The following SLC10A7 variants were observed in gnomAD, a reference collection of about 807,000 sequenced individuals.
SLC10A7 encodes sodium/bile acid cotransporter 7.
SLC10A7 carries 29 observed loss-of-function variants against 43.2 expected under a neutral mutation model. That is an observed-to-expected ratio of 0.67 (90% CI 0.50 to 0.92). The LOEUF (loss-of-function observed/expected upper bound fraction) is 0.92. SLC10A7 is among the 40% of genes least tolerant of loss of function. The pLI is 0.00. For synonymous variants in SLC10A7, 152 were observed against 144.8 expected (o/e 1.05, Z -0.35); for missense variants, 295 against 403.2 (o/e 0.73, Z 2.30).
At chr4:146,388,122 C>T (rs1024133671) in intron 5 of SLC10A7, among the ~76,000 whole-genome samples, 5 of 152,060 alleles carry the variant, frequency 3.3e-5, no homozygotes, top group African/African-American at 4.8e-5. Context: ...CCAAAGCAAT[C>T]CTAAGCAAAA....
At chr4:146,437,363 A>G (rs950308030) in intron 5 of SLC10A7, among the ~76,000 whole-genome samples, 1 of 152,104 alleles carries the variant, frequency 6.6e-6, no homozygotes, top group African/African-American at 2.4e-5. Context: ...TAATTTTAAT[A>G]CCCAGGATGG....
chr4:146,446,778 AT>A (rs2149901176), intron 4 of SLC10A7, among the ~76,000 whole-genome samples: 1 of 151,866 alleles, frequency 6.6e-6, no homozygotes, highest in African/African-American at 2.4e-5. Context: ...CTATCTATCT[AT>A]CTATCTATCT....
In SLC10A7 at chr4:146,354,459, T is replaced by C. The variant is rs1208295067; in HGVS notation, c.436-28463A>G. Among the ~76,000 whole-genome samples the C allele has an allele frequency of 2.4e-3, 359 of 151,246 alleles. 2 individuals carry two copies. Among genetic ancestry groups the C allele is most frequent in the African/African-American group, 7.3e-3 (300 of 40,950 alleles). On this transcript the variant is annotated intron_variant, in intron 5 of 11. Coordinates refer to ENST00000335472, the MANE Select transcript of SLC10A7 (RefSeq NM_001029998.6). ...AATCAATATCGTGAAAATGGCCATA[T>C]TGCCCAAGGTAATTTACAGATTCAA...
At chr4:146,508,139 A>G (rs1454021983) in intron 3 of SLC10A7, among the ~76,000 whole-genome samples, 2 of 152,196 alleles carry the variant, frequency 1.3e-5, no homozygotes, top group African/African-American at 2.4e-5. Flanking sequence ...GTATCTCATT[A>G]ATGCCGCATT....
chr4:146,307,310 T>C (rs1215483362), intron 6 of SLC10A7, among the ~76,000 whole-genome samples: 1 of 152,186 alleles, frequency 6.6e-6, no homozygotes, highest in African/African-American at 2.4e-5. Context: ...ATTGGTGGTC[T>C]CTAGCCCTTT....
intron 9 of SLC10A7, among the ~76,000 whole-genome samples, chr4:146,289,258 C>T (rs1386596701): frequency 6.6e-6 from 1 of 152,178 alleles, no homozygotes; most frequent in Non-Finnish European, 1.5e-5. Flanking sequence ...TTGCCTGCTT[C>T]CCTTTCCCAT....
chr4:146,383,150 G>A (rs1249754373), intron 5 of SLC10A7, among the ~76,000 whole-genome samples: 1 of 152,002 alleles, frequency 6.6e-6, no homozygotes, highest in African/African-American at 2.4e-5. Flanking sequence ...GACCAGATTA[G>A]GTTGTTCAAC....
intron 3 of SLC10A7, among the ~76,000 whole-genome samples, chr4:146,508,609 C>T (rs1737148400): frequency 6.6e-6 from 1 of 152,170 alleles, no homozygotes; most frequent in African/African-American, 2.4e-5. Context: ...CGCTTGGTTC[C>T]TCTGTCCTCC....
chr4:146,443,317 T>C (rs1372772977), intron 4 of SLC10A7, among the ~76,000 whole-genome samples: 1 of 152,162 alleles, frequency 6.6e-6, no homozygotes, highest in Non-Finnish European at 1.5e-5. Flanking sequence ...AACAATGCTG[T>C]TAAGACCAGG....
intron 6 of SLC10A7, among the ~76,000 whole-genome samples, chr4:146,320,731 G>A (rs1221943920): frequency 6.6e-6 from 1 of 152,054 alleles, no homozygotes; most frequent in Admixed American, 6.6e-5. Context: ...ACAATGGGAA[G>A]ATGCTAACAT....
intron 2 of SLC10A7, among the ~76,000 whole-genome samples, chr4:146,516,654 C>A (rs1030756259): frequency 6.6e-6 from 1 of 151,674 alleles, no homozygotes; most frequent in Non-Finnish European, 1.5e-5. Context: ...CAGCATGAGT[C>A]CTGGGAACCA....
At chr4:146,280,258 C>T (rs1398197871) in intron 10 of SLC10A7, among the ~76,000 whole-genome samples, 1 of 152,092 alleles carries the variant, frequency 6.6e-6, no homozygotes, top group East Asian at 1.9e-4. Context: ...TTTTAAAGTG[C>T]CAAATAGTTA....
chr4:146,500,907 T>G (rs1560970487), intron 4 of SLC10A7, among the ~76,000 whole-genome samples: 1 of 152,150 alleles, frequency 6.6e-6, no homozygotes, highest in Middle Eastern at 3.2e-3. Context: ...ATCTTCAGAA[T>G]TTACCTTACA....
chr4:146,430,002 C>T (rs776805987), intron 5 of SLC10A7, among the ~76,000 whole-genome samples: 17 of 149,712 alleles, frequency 1.1e-4, no homozygotes, highest in African/African-American at 2.3e-4. Flanking sequence ...TCATTCAAAA[C>T]GGATCACAGG....
chr4:146,404,476 ATGTGTGTGTG>A (rs34519773), intron 5 of SLC10A7, among the ~76,000 whole-genome samples: 9 of 141,462 alleles, frequency 6.4e-5, no homozygotes, highest in South Asian at 2.4e-4. Context: ...CTGCTCATTT[ATGTGTGTGTG>A]TGTGTGTGTG....
chr4:146,269,406 G>A (rs1728762479), intron 10 of SLC10A7, among the ~76,000 whole-genome samples: 1 of 152,214 alleles, frequency 6.6e-6, no homozygotes, highest in East Asian at 1.9e-4. Context: ...TCCAGGAGGG[G>A]TCACCACGTT....
At chr4:146,490,024 T>A (rs1414147518) in intron 4 of SLC10A7, among the ~76,000 whole-genome samples, 2 of 142,232 alleles carry the variant, frequency 1.4e-5, no homozygotes, top group Non-Finnish European at 3.1e-5. Context: ...AAAAATTCTA[T>A]TTTTTTTTTG....
At chr4:146,397,441 A>G (rs1738913044) in intron 5 of SLC10A7, among the ~76,000 whole-genome samples, 1 of 152,220 alleles carries the variant, frequency 6.6e-6, no homozygotes, top group Admixed American at 6.5e-5. Context: ...AATGTATATA[A>G]TTGATCACTG....
At chr4:146,456,131 C>A (rs1732031084) in intron 4 of SLC10A7, among the ~76,000 whole-genome samples, 1 of 150,494 alleles carries the variant, frequency 6.6e-6, no homozygotes, top group East Asian at 1.9e-4. Flanking sequence ...AAAAGAAGGG[C>A]AAATTAAATA....
Sources: gnomAD v4.1 joint callset for allele counts (sites outside exome capture counted in the v4.1 genomes callset) on GRCh38, gnomAD v4.1.1 for gene constraint, MANE v1.5 for transcripts, NCBI Gene and HGNC (gene_info 2026-07-23, HGNC 2026-07-21) for gene names.